Variants in MBOAT2 observed in about 807,000 individuals in gnomAD.
MBOAT2 encodes the protein membrane-bound glycerophospholipid O-acyltransferase 2.
Under a neutral mutation model 63.4 loss-of-function variants are expected in MBOAT2, and 28 were observed. That is an observed-to-expected ratio of 0.44 (90% CI 0.33 to 0.61). MBOAT2 has a LOEUF of 0.61. Ranked by LOEUF, MBOAT2 falls within the 20% of genes least tolerant of loss-of-function variation. The probability of loss-of-function intolerance (pLI) is 0.03; values close to 1 mark genes in which losing one functional copy is unlikely to be tolerated. For synonymous variants in MBOAT2, 211 were observed against 215.6 expected (o/e 0.98, Z 0.19); for missense variants, 470 against 605.8 (o/e 0.78, Z 2.35).
At chr2:8,964,300 CTG>C (rs1400952634) in intron 1 of MBOAT2, among the ~76,000 whole-genome samples, 1 of 152,204 alleles carries the variant, frequency 6.6e-6, no homozygotes, top group Non-Finnish European at 1.5e-5. Flanking sequence ...TGGTGTAAAA[CTG>C]AGCGTAAGCT....
At chr2:8,907,386 C>T (rs1282074463) in intron 4 of MBOAT2, among the ~76,000 whole-genome samples, 1 of 152,226 alleles carries the variant, frequency 6.6e-6, no homozygotes, top group East Asian at 1.9e-4. Context: ...GGTGCAAATT[C>T]TCAGGAGAAT....
At chr2:8,881,331 TAGA>T (rs902970307) in intron 6 of MBOAT2, among the ~76,000 whole-genome samples, 14 of 152,138 alleles carry the variant, frequency 9.2e-5, no homozygotes, top group African/African-American at 3.4e-4. Context: ...GACGGTGTGT[TAGA>T]AGTCTGGGAG....
intron 5 of MBOAT2, among the ~76,000 whole-genome samples, chr2:8,886,721 T>C (rs1558574436): frequency 6.6e-6 from 1 of 152,224 alleles, no homozygotes; most frequent in South Asian, 2.1e-4. Context: ...TTCTTCTGAG[T>C]TGAATATATA....
At chr2:8,879,301 C>A (rs1172618927) in intron 6 of MBOAT2, among the ~76,000 whole-genome samples, 1 of 152,132 alleles carries the variant, frequency 6.6e-6, no homozygotes, top group Non-Finnish European at 1.5e-5. Context: ...ATTCTCAATA[C>A]CAATTATTTT....
intron 9 of MBOAT2, among the ~76,000 whole-genome samples, chr2:8,865,246 G>C (rs147583023): frequency 6.6e-6 from 1 of 151,906 alleles, no homozygotes; most frequent in African/African-American, 2.4e-5. Context: ...CAGCAATTTC[G>C]CATGATTCAA....
At chr2:8,883,415 T>C (rs773689716) in intron 5 of MBOAT2, among the ~76,000 whole-genome samples, 4 of 152,182 alleles carry the variant, frequency 2.6e-5, no homozygotes, top group African/African-American at 9.7e-5. Flanking sequence ...ATTACAAGTA[T>C]GCAGAAATTT....
chr2:8,961,742 T>C (rs1232264406), intron 1 of MBOAT2, among the ~76,000 whole-genome samples: 1 of 152,252 alleles, frequency 6.6e-6, no homozygotes, highest in Non-Finnish European at 1.5e-5. Context: ...CGTGTGCTTA[T>C]GTGGCAGGTA....
chr2:8,989,830 A>T (rs1476984259), intron 1 of MBOAT2, among the ~76,000 whole-genome samples: 1 of 152,212 alleles, frequency 6.6e-6, no homozygotes, highest in Non-Finnish European at 1.5e-5. Flanking sequence ...GTTCAAATAC[A>T]ATCCAGATAA....
intron 1 of MBOAT2, among the ~76,000 whole-genome samples, chr2:8,966,121 T>G (rs1669961612): frequency 6.6e-6 from 1 of 151,798 alleles, no homozygotes; most frequent in Admixed American, 6.6e-5. Context: ...GAAAGGGGAG[T>G]GAGGAGGCGT....
At chr2:8,995,888 G>C (rs1558696579) in intron 1 of MBOAT2, among the ~76,000 whole-genome samples, 1 of 152,192 alleles carries the variant, frequency 6.6e-6, no homozygotes, top group African/African-American at 2.4e-5. Context: ...ATCGCGCCCG[G>C]CCTACATTCC....
chr2:8,907,090 T>A (rs1432257128), intron 4 of MBOAT2, among the ~76,000 whole-genome samples: 1 of 152,194 alleles, frequency 6.6e-6, no homozygotes, highest in Non-Finnish European at 1.5e-5. Flanking sequence ...AACATTAAAC[T>A]AAATTAATTA....
chr2:8,882,622 T>G, intron 5 of MBOAT2, 57 bp from the exon 6 acceptor site: 1 of 1,497,242 alleles, frequency 6.7e-7, no homozygotes. Context: ...ATGGCATTTT[T>G]GCCCATGCAC....
chr2:8,949,204 G>A (rs1213785296), intron 2 of MBOAT2, among the ~76,000 whole-genome samples: 1 of 152,052 alleles, frequency 6.6e-6, no homozygotes, highest in Non-Finnish European at 1.5e-5. Context: ...CTGTCCAACT[G>A]TTTAAGTTCC....
At chr2:8,949,297 T>C (rs1002796524) in intron 2 of MBOAT2, among the ~76,000 whole-genome samples, 4 of 152,192 alleles carry the variant, frequency 2.6e-5, no homozygotes, top group Admixed American at 6.5e-5. Context: ...CTGTTTACTC[T>C]TGACAGTTTC....
intron 3 of MBOAT2, among the ~76,000 whole-genome samples, chr2:8,929,307 T>C (rs903488423): frequency 6.6e-6 from 1 of 152,036 alleles, no homozygotes; most frequent in African/African-American, 2.4e-5. Flanking sequence ...GATTTACCCA[T>C]GGCTCTTACA....
At chr2:8,882,217 C>T (rs1430123801) in intron 6 of MBOAT2, among the ~76,000 whole-genome samples, 1 of 152,230 alleles carries the variant, frequency 6.6e-6, no homozygotes, top group South Asian at 2.1e-4. Context: ...ATACTATCCT[C>T]CTGTCTTCAA....
At chr2:8,913,414 C>G (rs1213789486) in intron 3 of MBOAT2, among the ~76,000 whole-genome samples, 3 of 151,608 alleles carry the variant, frequency 2.0e-5, no homozygotes, top group Non-Finnish European at 4.4e-5. Flanking sequence ...CAGAGAAAAT[C>G]CTCACAATCT....
chr2:8,891,495 C>A (rs1305197679), intron 4 of MBOAT2, among the ~76,000 whole-genome samples: 1 of 152,176 alleles, frequency 6.6e-6, no homozygotes, highest in African/African-American at 2.4e-5. Context: ...CAATGGTGCA[C>A]AGGGAGGTAA....
intron 3 of MBOAT2, among the ~76,000 whole-genome samples, chr2:8,919,916 G>C (rs1205484695): frequency 6.6e-6 from 1 of 151,846 alleles, no homozygotes; most frequent in Non-Finnish European, 1.5e-5. Context: ...CACCACACTG[G>C]GGTACTTTTC....
Sources: gnomAD v4.1 joint callset for allele counts (sites outside exome capture counted in the v4.1 genomes callset) on GRCh38, gnomAD v4.1.1 for gene constraint, MANE v1.5 for transcripts, NCBI Gene and HGNC (gene_info 2026-07-23, HGNC 2026-07-21) for gene names.